Variants in XXYLT1 observed in about 807,000 individuals in gnomAD.
XXYLT1 encodes the protein UDP-xylose:alpha-xyloside alpha-1,3-xylosyltransferase.
XXYLT1 carries 20 observed loss-of-function variants against 28.9 expected under a neutral mutation model. That is an observed-to-expected ratio of 0.69 (90% CI 0.49 to 1.00). The LOEUF (loss-of-function observed/expected upper bound fraction) is 1.00, where lower values mean the gene tolerates loss of function less well. Ranked by LOEUF, XXYLT1 falls within the 50% of genes least tolerant of loss-of-function variation. The probability of loss-of-function intolerance (pLI) is 0.00; values close to 1 mark genes in which losing one functional copy is unlikely to be tolerated. For missense variants in XXYLT1, 542 were observed against 560.1 expected (o/e 0.97, Z 0.33); for synonymous variants, 257 against 253.8 (o/e 1.01, Z -0.12).
chr3:195,123,246 C>T (rs373430614), intron 3 of XXYLT1, among the ~76,000 whole-genome samples: 65 of 152,148 alleles, frequency 4.3e-4, no homozygotes, highest in Middle Eastern at 3.4e-3. Context: ...GAGGGGCCCA[C>T]CACCTATCCA....
rs576425466 is a variant in XXYLT1 at position 195,155,396 on chromosome 3, C to T, written c.785+1053G>A. ...GGGACAGCAAAATCCCAGCCCTTTC[C>T]GAACAAACTCGGCAGCTCTGCTCTG... On this transcript the variant is annotated intron_variant, in intron 3 of 3. Coordinates refer to ENST00000310380, the MANE Select transcript of XXYLT1 (RefSeq NM_152531.5). Among the ~76,000 whole-genome samples the T allele has an allele frequency of 7.2e-5, 11 of 152,300 alleles. No individual in the cohort carries two copies. The East Asian group carries it at 1.9e-3, about 27-fold the overall frequency.
At chr3:195,114,629 C>T (rs1203271984) in intron 3 of XXYLT1, among the ~76,000 whole-genome samples, 2 of 152,184 alleles carry the variant, frequency 1.3e-5, no homozygotes, top group South Asian at 2.1e-4. Context: ...TCTCTTTACA[C>T]GTTTAATTAC....
chr3:195,156,678 T>A, intron 2 of XXYLT1, 97 bp from the exon 3 acceptor site: 7 of 1,484,910 alleles, frequency 4.7e-6, no homozygotes, highest in Non-Finnish European at 6.4e-6. Flanking sequence ...AAAAGGGCAC[T>A]GGACTCTTAC....
intron 2 of XXYLT1, among the ~76,000 whole-genome samples, chr3:195,171,978 T>C (rs1329068710): frequency 6.6e-6 from 1 of 152,218 alleles, no homozygotes; most frequent in Non-Finnish European, 1.5e-5. Context: ...GCGTTAATTG[T>C]GTGGTCACAG....
chr3:195,224,017 G>A (rs774537070), intron 2 of XXYLT1, among the ~76,000 whole-genome samples: 15 of 152,282 alleles, frequency 9.9e-5, no homozygotes, highest in African/African-American at 2.4e-4. Flanking sequence ...CTAGCCAGGC[G>A]TGGTGGCACA....
At chr3:195,252,727 C>CACACACACAG (rs1191544595) in intron 1 of XXYLT1, among the ~76,000 whole-genome samples, 2 of 119,008 alleles carry the variant, frequency 1.7e-5, no homozygotes. Flanking sequence ...CACACACACA[C>CACACACACAG]AGAGAGAGAG....
intron 2 of XXYLT1, among the ~76,000 whole-genome samples, chr3:195,164,420 T>C (rs759757904): frequency 5.9e-5 from 9 of 152,254 alleles, no homozygotes; most frequent in Non-Finnish European, 1.2e-4. Context: ...GATCCGTGCC[T>C]GCCAGCCCCA....
chr3:195,172,968 G>C (rs1165435981), intron 2 of XXYLT1, among the ~76,000 whole-genome samples: 1 of 152,218 alleles, frequency 6.6e-6, no homozygotes, highest in African/African-American at 2.4e-5. Flanking sequence ...TGGCTAGAGA[G>C]CTAGGTGGAC....
At chr3:195,119,188 G>A (rs977001797) in intron 3 of XXYLT1, among the ~76,000 whole-genome samples, 1 of 151,608 alleles carries the variant, frequency 6.6e-6, no homozygotes, top group Admixed American at 6.6e-5. Context: ...GGAGGCTAGG[G>A]CAGGAGAATC....
chr3:195,268,038 G>C (rs762802680), intron 1 of XXYLT1, among the ~76,000 whole-genome samples: 2 of 152,180 alleles, frequency 1.3e-5, no homozygotes, highest in African/African-American at 2.4e-5. Context: ...TGTAATCCCA[G>C]CTATGCAGGA....
At chr3:195,248,358 G>A (rs976474325) in intron 1 of XXYLT1, among the ~76,000 whole-genome samples, 3 of 152,174 alleles carry the variant, frequency 2.0e-5, no homozygotes, top group South Asian at 2.1e-4. Context: ...GGGACTGGGC[G>A]GGAGGTAACT....
chr3:195,132,550 T>A (rs917593144), intron 3 of XXYLT1, among the ~76,000 whole-genome samples: 3 of 152,240 alleles, frequency 2.0e-5, no homozygotes, highest in Admixed American at 1.3e-4. Flanking sequence ...GTTGTTATTA[T>A]TACAAACTAT....
chr3:195,093,600 C>T (rs1293308376), intron 3 of XXYLT1: 1 of 150,598 alleles, frequency 6.6e-6, no homozygotes, highest in Non-Finnish European at 1.5e-5. Flanking sequence ...TTAGTGGGTG[C>T]AGCGCACCAG....
intron 2 of XXYLT1, among the ~76,000 whole-genome samples, chr3:195,178,780 G>A (rs1472853026): frequency 6.6e-6 from 1 of 152,226 alleles, no homozygotes; most frequent in East Asian, 1.9e-4. Context: ...TTCCACCAGG[G>A]AGCACATGGG....
In XXYLT1 at chr3:195,180,334, G is replaced by A. The variant is rs1018382495; in HGVS notation, c.653-23753C>T. 11 of 985,348 alleles carry A rather than the reference G, an allele frequency of 1.1e-5. No homozygotes were observed. In the Admixed American group the frequency reaches 3.1e-4, roughly 28 times the overall value. The allele number at this position is 985,348 out of a possible 1,614,324, so 61.0% of individuals were successfully genotyped here. A position where few individuals can be genotyped will look rare whatever the true frequency, so the allele number is the denominator to read the frequency against. ...CAACTCATGAGGGCCCAGAAGGAAG[G>A]AGCCACAAAGGTCTGGATGGTTTAT... On this transcript the variant is annotated intron_variant, in intron 2 of 3. Coordinates refer to ENST00000310380, the MANE Select transcript of XXYLT1 (RefSeq NM_152531.5). This position sits in a 1 kb window ranked among gnomAD's most constrained non-coding sequence, Gnocchi z 5.8.
intron 3 of XXYLT1, 95 bp downstream of exon 3, chr3:195,156,354 C>T (rs1010613298): frequency 2.7e-5 from 42 of 1,540,586 alleles, no homozygotes; most frequent in Middle Eastern, 2.1e-4. Context: ...AAGGATCGGA[C>T]GCCACTAAAT....
intron 2 of XXYLT1, among the ~76,000 whole-genome samples, chr3:195,177,591 A>G (rs900687942): frequency 6.6e-6 from 1 of 152,084 alleles, no homozygotes; most frequent in African/African-American, 2.4e-5. Flanking sequence ...CCAACCACAC[A>G]AGTTCGTGGC....
chr3:195,235,746 C>G (rs972052867), intron 1 of XXYLT1, among the ~76,000 whole-genome samples: 10 of 152,182 alleles, frequency 6.6e-5, no homozygotes, highest in Admixed American at 6.5e-5. Context: ...AGGGGGCATA[C>G]CAAGCCCAGC....
At chr3:195,117,167 C>T (rs1456250568) in intron 3 of XXYLT1, among the ~76,000 whole-genome samples, 1 of 149,468 alleles carries the variant, frequency 6.7e-6, no homozygotes, top group African/African-American at 2.5e-5. Flanking sequence ...AGCACTCCTA[C>T]TCTTGGGAAT....
Sources: gnomAD v4.1 joint callset for allele counts (sites outside exome capture counted in the v4.1 genomes callset) on GRCh38, gnomAD v4.1.1 for gene constraint, Gnocchi (gnomAD v3.1) non-coding constraint, MANE v1.5 for transcripts, NCBI Gene and HGNC (gene_info 2026-07-23, HGNC 2026-07-21) for gene names.